Variants in SAMD3 observed in about 807,000 individuals in gnomAD.
The protein encoded by SAMD3 is sterile alpha motif domain-containing protein 3.
In SAMD3, 63 loss-of-function variants were observed where a neutral mutation model predicts 58.5. The observed-to-expected ratio is 1.08, with a 90% CI of 0.88 to 1.33. The LOEUF (loss-of-function observed/expected upper bound fraction) is 1.33. Ranked by LOEUF, SAMD3 falls within the 40% of genes most tolerant of loss-of-function variation. The pLI is 0.00. For synonymous variants in SAMD3, 220 were observed against 210.3 expected (o/e 1.05, Z -0.40); for missense variants, 604 against 608.4 (o/e 0.99, Z 0.08).
chr6:130,252,877 C>T lies in SAMD3; in HGVS notation c.-187-30064G>A, dbSNP rs189500713. On this transcript the variant is annotated intron_variant, in intron 2 of 13. Coordinates refer to the SAMD3 transcript ENST00000368134. ...TCTCAGTCTATATTGGGTATCTGCT[C>T]TCCTGAAGAATCTTTGCTTTTTGGT... Among the ~76,000 whole-genome samples the T allele has an allele frequency of 1.6e-4, 24 of 152,300 alleles. No individual in the cohort carries two copies. In the East Asian group the frequency reaches 4.6e-3, roughly 29 times the overall value.
At chr6:130,172,298 C>T (rs114754459) in intron 8 of SAMD3, among the ~76,000 whole-genome samples, 3,954 of 151,960 alleles carry the variant, frequency 0.026, 159 homozygotes, top group African/African-American at 0.088. Context: ...CAGTTTATCG[C>T]GGCATTGGTC....
chr6:130,186,019 C>A (rs1228081270), intron 5 of SAMD3, among the ~76,000 whole-genome samples: 1 of 152,014 alleles, frequency 6.6e-6, no homozygotes, highest in East Asian at 1.9e-4. Context: ...AATGTTCAAG[C>A]CTTAAAGTTA....
intron 1 of SAMD3, among the ~76,000 whole-genome samples, chr6:130,349,131 G>C (rs964134857): frequency 9.2e-5 from 14 of 152,290 alleles, no homozygotes; most frequent in African/African-American, 3.4e-4. Flanking sequence ...AAGCAGGAAA[G>C]ATCTAAAATG....
At chr6:130,163,766 G>A (rs1790474403) in intron 8 of SAMD3, among the ~76,000 whole-genome samples, 1 of 152,036 alleles carries the variant, frequency 6.6e-6, no homozygotes, top group African/African-American at 2.4e-5. Context: ...AACAGTAAGT[G>A]TTGTAAGATA....
intron 1 of SAMD3, among the ~76,000 whole-genome samples, chr6:130,222,186 A>G (rs1177352918): frequency 1.3e-5 from 2 of 152,264 alleles, no homozygotes; most frequent in Admixed American, 6.5e-5. Flanking sequence ...AGCCAAAAAC[A>G]TTAAAAATAT....
At chr6:130,335,594 T>C (rs1249907517) in intron 1 of SAMD3, among the ~76,000 whole-genome samples, 1 of 152,230 alleles carries the variant, frequency 6.6e-6, no homozygotes, top group Admixed American at 6.5e-5. Context: ...GCTATTAAGA[T>C]AAAAGCTAAC....
At chr6:130,252,290 T>C (rs187496548) in intron 2 of SAMD3, among the ~76,000 whole-genome samples, 1 of 152,314 alleles carries the variant, frequency 6.6e-6, no homozygotes, top group East Asian at 1.9e-4. Context: ...ATTTGCATTT[T>C]GGATCTAAAG....
chr6:130,165,284 G>C (rs530783693), intron 8 of SAMD3, among the ~76,000 whole-genome samples: 19 of 152,196 alleles, frequency 1.2e-4, no homozygotes, highest in African/African-American at 4.3e-4. Context: ...GAAACCAAAT[G>C]TAGATTAAAC....
chr6:130,226,850 C>T (rs1418350385), upstream of SAMD3, among the ~76,000 whole-genome samples: 1 of 152,086 alleles, frequency 6.6e-6, no homozygotes, highest in African/African-American at 2.4e-5. Context: ...TTATTTACAT[C>T]ACTGAAATTA....
chr6:130,163,824 A>T (rs1790481060), intron 8 of SAMD3, among the ~76,000 whole-genome samples: 1 of 152,206 alleles, frequency 6.6e-6, no homozygotes. Flanking sequence ...CTCACTAGGT[A>T]GTTTTTGTGC....
chr6:130,281,915 A>G (rs1774995083), intron 2 of SAMD3, among the ~76,000 whole-genome samples: 1 of 151,972 alleles, frequency 6.6e-6, no homozygotes. Context: ...TGTTAAGCTT[A>G]TGCGCCAGTG....
intron 8 of SAMD3, among the ~76,000 whole-genome samples, chr6:130,165,362 C>T (rs2114629590): frequency 6.6e-6 from 1 of 152,162 alleles, no homozygotes; most frequent in South Asian, 2.1e-4. Flanking sequence ...AAGAAAACTC[C>T]ATTGCAGTTA....
chr6:130,226,232 A>G (rs1796379581), upstream of SAMD3, among the ~76,000 whole-genome samples: 1 of 152,140 alleles, frequency 6.6e-6, no homozygotes, highest in Admixed American at 6.5e-5. Context: ...TCAGAATTTT[A>G]TTTTTAAGAA....
upstream of SAMD3, among the ~76,000 whole-genome samples, chr6:130,225,217 C>T (rs74691358): frequency 0.015 from 2,341 of 152,296 alleles, 15 homozygotes; most frequent in Non-Finnish European, 0.023. Context: ...AGAAAGCCAA[C>T]GACTGAGACA....
chr6:130,261,718 C>T (rs1407822061), intron 2 of SAMD3, among the ~76,000 whole-genome samples: 2 of 152,046 alleles, frequency 1.3e-5, no homozygotes, highest in Non-Finnish European at 2.9e-5. Context: ...TACTATGACA[C>T]CAGGAAAACT....
intron 2 of SAMD3, among the ~76,000 whole-genome samples, chr6:130,246,128 T>C (rs1773536791): frequency 6.6e-6 from 1 of 152,140 alleles, no homozygotes; most frequent in South Asian, 2.1e-4. Flanking sequence ...CAGAAGTTCA[T>C]AGAACAATTG....
At chr6:130,187,525 C>T (rs1281424030) in intron 5 of SAMD3, among the ~76,000 whole-genome samples, 2 of 152,080 alleles carry the variant, frequency 1.3e-5, no homozygotes, top group East Asian at 3.9e-4. Flanking sequence ...AAAACCAACC[C>T]ATGCCACCTA....
At chr6:130,218,596 T>C (rs1417816633) in intron 1 of SAMD3, among the ~76,000 whole-genome samples, 1 of 152,198 alleles carries the variant, frequency 6.6e-6, no homozygotes, top group African/African-American at 2.4e-5. Context: ...CTAAAGAAGT[T>C]AGAAGCCTTA....
upstream of SAMD3, among the ~76,000 whole-genome samples, chr6:130,224,524 AGCCC>A (rs1192991017): frequency 6.6e-5 from 10 of 152,064 alleles, no homozygotes; most frequent in African/African-American, 2.4e-4. Flanking sequence ...TGCTTCTGCC[AGCCC>A]TAGGTTCATG....
Sources: allele counts gnomAD v4.1 joint callset (sites outside exome capture counted in the v4.1 genomes callset), GRCh38; gene constraint gnomAD v4.1.1; transcripts MANE v1.5; gene names NCBI Gene and HGNC (gene_info 2026-07-23, HGNC 2026-07-21).